SLC35B4: variants seen among roughly 807,000 people sequenced by gnomAD.
SLC35B4 encodes nucleotide sugar transporter SLC35B4.
Under a neutral mutation model 39.5 loss-of-function variants are expected in SLC35B4, and 28 were observed. The observed-to-expected ratio is 0.71, with a 90% CI of 0.53 to 0.97. SLC35B4 has a LOEUF of 0.97. Among genes scored for constraint, SLC35B4 ranks in the 50% least tolerant of loss-of-function variants. The probability of loss-of-function intolerance (pLI) is 0.00; values close to 1 mark genes in which losing one functional copy is unlikely to be tolerated. For synonymous variants in SLC35B4, 145 were observed against 150.4 expected (o/e 0.96, Z 0.26); for missense variants, 334 against 414.3 (o/e 0.81, Z 1.68).
upstream of SLC35B4, among the ~76,000 whole-genome samples, chr7:134,318,476 CATAT>C (rs67968218): frequency 0.45 from 67,752 of 149,776 alleles, 15,726 homozygotes; most frequent in African/African-American, 0.54. Flanking sequence ...TACACACACA[CATAT>C]ATATATATAT....
chr7:134,319,719 T>A (rs1804064567), upstream of SLC35B4, among the ~76,000 whole-genome samples: 1 of 152,210 alleles, frequency 6.6e-6, no homozygotes, highest in Non-Finnish European at 1.5e-5. Context: ...GCATACACAT[T>A]TCATTACCTA....
At position 134,293,240 on chromosome 7, in the gene SLC35B4, G is replaced by C. The variant is rs1803375459; in HGVS notation, c.*1593C>G. On this transcript the variant is annotated 3_prime_UTR_variant, in exon 10 of 10. Coordinates refer to ENST00000378509, the MANE Select transcript of SLC35B4 (RefSeq NM_032826.5). ...CAGAGGAGCATGTACTGGTATGTAAGGTTCCAGCTAAGTAAAGAAAAGGGA... is the reference window on the plus strand; with the variant it reads ...CAGAGGAGCATGTACTGGTATGTAACGTTCCAGCTAAGTAAAGAAAAGGGA... 6.6e-6 allele frequency: 1 copy of C among 152,336 alleles called. No homozygotes were observed. Among genetic ancestry groups the C allele is most frequent in the South Asian group, 2.1e-4 (1 of 4,826 alleles). 9.4% of individuals were successfully genotyped at this position (152,336 alleles called of 1,614,324 possible). A position where few individuals can be genotyped will look rare whatever the true frequency, so the allele number is the denominator to read the frequency against.
chr7:134,297,617 C>T (rs1803496027), intron 8 of SLC35B4, among the ~76,000 whole-genome samples: 1 of 152,128 alleles, frequency 6.6e-6, no homozygotes, highest in South Asian at 2.1e-4. Flanking sequence ...AAAATTATAT[C>T]CACACAAGGA....
In SLC35B4 at chr7:134,293,593, C is replaced by T. The variant is rs112420739; in HGVS notation, c.*1240G>A. On this transcript the variant is annotated 3_prime_UTR_variant, in exon 10 of 10. Transcript: ENST00000378509. Reference sequence around the variant, plus strand: ...TCCCTTGATGGGTCGTGACTCTTAACAGAGTCATCGGGCAGAGGGGAATCT... The same window carrying T: ...TCCCTTGATGGGTCGTGACTCTTAATAGAGTCATCGGGCAGAGGGGAATCT... 6 of 152,238 alleles carry T rather than the reference C, an allele frequency of 3.9e-5. 1 individual carries two copies. The South Asian group carries it at 1.0e-3, about 26-fold the overall frequency. The allele number at this position is 152,238 out of a possible 1,614,324, so 9.4% of individuals were successfully genotyped here.
In SLC35B4 at chr7:134,301,771, CCACA is replaced by C. The variant is rs1347534403; in HGVS notation, c.473_476del (p.Val158GlyfsTer4). The C allele has an allele frequency of 6.2e-7, 1 of 1,613,938 alleles. No homozygotes were observed. The highest frequency in any genetic ancestry group is 8.5e-7 in the Non-Finnish European group (1 of 1,179,890). Reference sequence around the variant, plus strand: ...AATTATTGTACTTGCCTAGTAACCACCACACAAATGCCTGGAATCCATCATTCTC... The same window carrying C: ...AATTATTGTACTTGCCTAGTAACCACCAAATGCCTGGAATCCATCATTCTC... On this transcript the variant is annotated frameshift_variant, in exon 6 of 10. Transcript: ENST00000378509. LOFTEE classifies it high-confidence loss of function.
upstream of SLC35B4, chr7:134,316,973 G>A: frequency 3.6e-6 from 2 of 562,942 alleles, no homozygotes; most frequent in South Asian, 2.1e-5. Flanking sequence ...TCATCCGAGG[G>A]GGCGTCCGAG....
chr7:134,301,609 C>G (rs879125861), intron 6 of SLC35B4, 152 bp downstream of exon 6: 16 of 712,534 alleles, frequency 2.2e-5, no homozygotes, highest in South Asian at 2.2e-4. Flanking sequence ...TTCTTGAACG[C>G]TAAGGCTCAG....
rs1370726954 is a variant in SLC35B4, at chr7:134,291,835, T to A, written c.*2998A>T. 3 of 152,188 alleles carry A rather than the reference T, an allele frequency of 2.0e-5. No individual in the cohort carries two copies. Among genetic ancestry groups the A allele is most frequent in the African/African-American group, 7.2e-5 (3 of 41,434 alleles). 9.4% of individuals were successfully genotyped at this position (152,188 alleles called of 1,614,324 possible). On this transcript the variant is annotated 3_prime_UTR_variant, in exon 10 of 10. Coordinates refer to ENST00000378509, the MANE Select transcript of SLC35B4 (RefSeq NM_032826.5). ...ACTAATAAACATGAAAAAGATAACA[T>A]GTTTCTAATATGACAATAGAGTTTT...
chr7:134,316,317 C>T (rs1490076223), intron 1 of SLC35B4, among the ~76,000 whole-genome samples: 1 of 152,174 alleles, frequency 6.6e-6, no homozygotes, highest in Non-Finnish European at 1.5e-5. Flanking sequence ...AACCTTGGTT[C>T]TGACACTAGC....
chr7:134,308,075 G>T (rs371488383), intron 2 of SLC35B4, among the ~76,000 whole-genome samples: 62 of 152,198 alleles, frequency 4.1e-4, no homozygotes, highest in African/African-American at 1.4e-3. Context: ...TTTGTTTATG[G>T]CTCCACCTAC....
chr7:134,318,212 G>T (rs562142356), upstream of SLC35B4, among the ~76,000 whole-genome samples: 2 of 152,158 alleles, frequency 1.3e-5, no homozygotes, highest in Non-Finnish European at 2.9e-5. Flanking sequence ...AAATCCTTGT[G>T]TATGGGTTCT....
chr7:134,309,694 G>A (rs1803790747), intron 1 of SLC35B4, among the ~76,000 whole-genome samples: 2 of 152,150 alleles, frequency 1.3e-5, no homozygotes, highest in African/African-American at 4.8e-5. Context: ...TCTTCCTTGC[G>A]TGTATCAGGC....
rs1300271376 is a variant in SLC35B4, at chr7:134,291,562, CAGA to C, written c.*3268_*3270del. 3.3e-5 allele frequency: 5 copies of C among 152,256 alleles called. No individual in the cohort carries two copies. Among genetic ancestry groups the C allele is most frequent in the Admixed American group, 6.5e-5 (1 of 15,290 alleles). 9.4% of individuals were successfully genotyped at this position (152,256 alleles called of 1,614,324 possible). ...CTTGAAAAACATCACGCCATCTTTC[CAGA>C]AGAAGAGAAGAGGTTTACTCTGGGT... On this transcript the variant is annotated 3_prime_UTR_variant, in exon 10 of 10. Coordinates refer to ENST00000378509, the MANE Select transcript of SLC35B4 (RefSeq NM_032826.5).
In SLC35B4 at chr7:134,299,388, T is replaced by C. The variant is rs1055074532; in HGVS notation, c.673+135A>G. 5.3e-5 allele frequency: 28 copies of C among 532,886 alleles called. No homozygotes were observed. In the East Asian group the frequency reaches 5.7e-4, roughly 11 times the overall value. 33.0% of individuals were successfully genotyped at this position (532,886 alleles called of 1,614,324 possible). On this transcript the variant is annotated intron_variant, in intron 8 of 9. Transcript: ENST00000378509. ...TTTTGCTGCTGCAATGACTGGAAAG[T>C]GGAATGGAGACATTTTCGAAAGGAA...
At chr7:134,316,605 G>C in intron 1 of SLC35B4, 70 bp downstream of exon 1, 1 of 1,499,030 alleles carries the variant, frequency 6.7e-7, no homozygotes, top group Non-Finnish European at 9.0e-7. Context: ...GCGCGTCCCG[G>C]GGGGACCTCT....
intron 9 of SLC35B4, 77 bp downstream of exon 9, chr7:134,296,314 A>G: frequency 8.0e-7 from 1 of 1,250,806 alleles, no homozygotes; most frequent in Non-Finnish European, 1.2e-6. Context: ...ACACACTGTT[A>G]GAAGAAAAGA....
chr7:134,300,135 T>G lies in SLC35B4; in HGVS notation c.597+17A>C. 5 of 1,533,314 alleles carry G rather than the reference T, an allele frequency of 3.3e-6. No homozygotes were observed. The highest frequency in any genetic ancestry group is 4.5e-6 in the Non-Finnish European group (5 of 1,120,926). 95.0% of individuals were successfully genotyped at this position (1,533,314 alleles called of 1,614,324 possible). Reference sequence around the variant, plus strand: ...ACTTAGGAATTTTCACGTTCCCAGGTTCAGGAAGTTGCTTACATTATAAAA... The same window carrying G: ...ACTTAGGAATTTTCACGTTCCCAGGGTCAGGAAGTTGCTTACATTATAAAA... On this transcript the variant is annotated intron_variant, in intron 7 of 9. Coordinates refer to ENST00000378509, the MANE Select transcript of SLC35B4 (RefSeq NM_032826.5).
chr7:134,319,152 T>C (rs1804058316), upstream of SLC35B4, among the ~76,000 whole-genome samples: 1 of 152,204 alleles, frequency 6.6e-6, no homozygotes, highest in Admixed American at 6.5e-5. Context: ...CTTATCTTTC[T>C]TCCTCCCTCA....
chr7:134,316,716 T>C lies in SLC35B4; in HGVS notation c.36A>G (p.Ala12=). 6.4e-7 allele frequency: 1 copy of C among 1,550,500 alleles called. No homozygotes were observed. The highest frequency in any genetic ancestry group is 8.7e-7 in the Non-Finnish European group (1 of 1,146,768). ...GGAAGATCACGTTACTGCAGCAGCC[T>C]GCGAACACCAGGCCCACCGCCAAGG... The part of the protein sequence containing the change: ...RPALAVGLVF[A]GCCSNVIFLE... Residue 12 remains alanine (A), a synonymous_variant, in exon 1 of 10, where the codon GCA becomes GCG. Transcript: ENST00000378509.
Sources: allele counts gnomAD v4.1 joint callset (sites outside exome capture counted in the v4.1 genomes callset), GRCh38; gene constraint gnomAD v4.1.1; transcripts MANE v1.5; gene names NCBI Gene and HGNC (gene_info 2026-07-23, HGNC 2026-07-21).